The following COL2A1 variants were observed in gnomAD, a reference collection of about 807,000 sequenced individuals.
COL2A1 encodes the protein collagen type II alpha 1 chain.
Under a neutral mutation model 204.5 loss-of-function variants are expected in COL2A1, and 28 were observed. The observed-to-expected ratio is 0.14, with a 90% CI of 0.10 to 0.19. The LOEUF is 0.19. COL2A1 is among the 10% of genes least tolerant of loss of function. The pLI is 1.00. For missense variants in COL2A1, 1,388 were observed against 2,027.5 expected, an observed-to-expected ratio of 0.68 and a Z score of 6.06; for synonymous variants, 708 against 718.7, an observed-to-expected ratio of 0.99 and a Z score of 0.24.
rs75447849 is a variant in COL2A1, at chr12:47,979,027, C to T, written c.2734-269G>A. ...CTACCTGGAATCTCTCCTCCCTCCT[C>T]CCTTTGTCCTCAATCCCCCTTCCTC... On this transcript the variant is annotated intron_variant, in intron 41 of 53. Coordinates refer to ENST00000380518, the MANE Select transcript of COL2A1 (RefSeq NM_001844.5). Among the ~76,000 whole-genome samples the T allele has an allele frequency of 0.045, 6,830 of 151,972 alleles. 219 individuals are homozygous for T. The highest frequency in any genetic ancestry group is 0.068 in the Non-Finnish European group (4,622 of 67,940).
At chr12:47,977,929 C>T in intron 44 of COL2A1, 81 bp downstream of exon 44, 2 of 1,343,862 alleles carry the variant, frequency 1.5e-6, no homozygotes, top group Non-Finnish European at 2.1e-6. Flanking sequence ...CTGACTGGGA[C>T]TTGTCCTTGC....
In COL2A1 at chr12:47,980,957, T is replaced by C. The variant is rs368219434; in HGVS notation, c.2475A>G (p.Gly825=). The change falls in exon 38 of 54, where the codon GGA becomes GGG. Residue 825 remains glycine, a synonymous_variant. Transcript: ENST00000380518. The surrounding 1 kb of genome is among the most constrained non-coding windows in gnomAD (Gnocchi z 4.5). The part of the protein sequence containing the change: ...AGARGAPGER[G]ETGPPGPAGF... ...CCGCTGGTCCGGGGGGCCCAGTCTC[T>C]CCACGTTCACCCTGTGAGAGAAGGG... 70 of 1,551,668 alleles carry C rather than the reference T, an allele frequency of 4.5e-5. No homozygotes were observed. The highest frequency in any genetic ancestry group is 5.0e-5 in the Non-Finnish European group (57 of 1,147,350).
chr12:47,981,245 C>T (rs1322437548), intron 37 of COL2A1, 98 bp downstream of exon 37: 8 of 1,344,346 alleles, frequency 6.0e-6, no homozygotes, highest in Non-Finnish European at 7.3e-6. Flanking sequence ...TGGCAGCACA[C>T]AGGGCCACCA....
At position 47,973,946 on chromosome 12, in the gene COL2A1, C is replaced by A. The variant is rs563839960; in HGVS notation, c.4317+143G>T. 44 of 1,179,008 alleles carry A rather than the reference C, an allele frequency of 3.7e-5. No homozygotes were observed. In the South Asian group the frequency reaches 5.1e-4, roughly 14 times the overall value. The allele number at this position is 1,179,008 out of a possible 1,614,324, so 73.0% of individuals were successfully genotyped here. ...TGCCTCTCTCTCACCTGTCACTCAG[C>A]CTATCTTCTCTACATGACCCTCAAA... On this transcript the variant is annotated intron_variant, in intron 53 of 53. Coordinates refer to ENST00000380518, the MANE Select transcript of COL2A1 (RefSeq NM_001844.5).
chr12:47,977,388 C>G lies in COL2A1; in HGVS notation c.3205G>C (p.Ala1069Pro), dbSNP rs200112269. The G allele has an allele frequency of 1.2e-6, 2 of 1,613,412 alleles. No homozygotes were observed. Among genetic ancestry groups the G allele is most frequent in the African/African-American group, 2.7e-5 (2 of 74,914 alleles). Reference sequence around the variant, plus strand: ...CCAGGGGAGCCAGGGGGCCCAGGGGCTCCAGGAGCTCCCACAGCACCAGTC... The same window carrying G: ...CCAGGGGAGCCAGGGGGCCCAGGGGGTCCAGGAGCTCCCACAGCACCAGTC... ...GETGAVGAPG[A>P]PGPPGSPGPA... The change falls in exon 46 of 54, where the codon GCC becomes CCC. Residue 1069 changes from alanine to proline, a missense_variant. Around this residue, in one of 3 missense-constraint regions of COL2A1, gnomAD observed 884 missense variants for 1,415.8 expected, o/e 0.62. Coordinates refer to ENST00000380518, the MANE Select transcript of COL2A1 (RefSeq NM_001844.5).
chr12:47,986,553 G>T (rs569258249), intron 22 of COL2A1, 110 bp from the exon 23 acceptor site: 31 of 761,438 alleles, frequency 4.1e-5, no homozygotes, highest in East Asian at 1.3e-4. Context: ...AGGGCTGGGG[G>T]GGGGCTTGAG....
At position 47,980,792 on chromosome 12, in the gene COL2A1, G is replaced by C. The variant is rs567072304; in HGVS notation, c.2517+123C>G. ...TGGACATGATGGTTCTATTAGTATG[G>C]AGGCGGGAAAGGAGAGGAGAGGAGC... is the stretch of plus-strand genomic sequence containing the variant. On this transcript the variant is annotated intron_variant, in intron 38 of 53. Coordinates refer to ENST00000380518, the MANE Select transcript of COL2A1 (RefSeq NM_001844.5). This position sits in a 1 kb window ranked among gnomAD's most constrained non-coding sequence, Gnocchi z 4.5. 2.1e-6 allele frequency: 3 copies of C among 1,398,260 alleles called. No homozygotes were observed. Among genetic ancestry groups the C allele is most frequent in the African/African-American group, 1.4e-5 (1 of 70,006 alleles). 86.6% of individuals were successfully genotyped at this position (1,398,260 alleles called of 1,614,324 possible).
intron 26 of COL2A1, 30 bp from the exon 27 acceptor site, chr12:47,985,123 T>A: frequency 6.4e-7 from 1 of 1,569,396 alleles, no homozygotes; most frequent in Non-Finnish European, 8.8e-7. Flanking sequence ...TCTCAGAACA[T>A]AGACACTCTG....
At chr12:47,977,062 T>C in intron 47 of COL2A1, 40 bp downstream of exon 47, 1 of 1,588,154 alleles carries the variant, frequency 6.3e-7, no homozygotes, top group Non-Finnish European at 8.6e-7. Flanking sequence ...TCCCAGCCTA[T>C]CCCTGGTGGG....
intron 1 of COL2A1, 139 bp downstream of exon 1, chr12:48,004,098 T>C: frequency 5.8e-6 from 4 of 689,298 alleles, no homozygotes; most frequent in Non-Finnish European, 1.1e-5. Context: ...GCGTGTCCTG[T>C]GCCTAAGTCG....
rs1475935660 is a variant in COL2A1 at position 47,974,139 on chromosome 12, C to T, written c.4267G>A (p.Ala1423Thr). 1 of 1,614,192 alleles carries T rather than the reference C, an allele frequency of 6.2e-7. No individual in the cohort carries two copies. The highest frequency in any genetic ancestry group is 2.2e-5 in the East Asian group (1 of 44,886). Residue 1423 changes from alanine to threonine, a missense_variant, in exon 53 of 54, where the codon GCA (alanine) becomes ACA (threonine). Coordinates refer to ENST00000380518, the MANE Select transcript of COL2A1 (RefSeq NM_001844.5). ...IQGSNDVEIR[A>T]EGNSRFTYTA... ...TACGTGAACCTGCTATTGCCCTCTG[C>T]CCGGATCTCCACGTCATTGGAGCCC...
chr12:48,005,784 C>A (rs910410329), upstream of COL2A1: 1 of 152,216 alleles, frequency 6.6e-6, no homozygotes, highest in Admixed American at 6.5e-5. Flanking sequence ...GAACTTCTGC[C>A]CTCCTGGGCA....
At position 47,980,726 on chromosome 12, in the gene COL2A1, G is replaced by A; in HGVS notation, c.2518-65C>T. On this transcript the variant is annotated intron_variant, in intron 38 of 53. Coordinates refer to ENST00000380518, the MANE Select transcript of COL2A1 (RefSeq NM_001844.5). This position sits in a 1 kb window ranked among gnomAD's most constrained non-coding sequence, Gnocchi z 4.5. ...CTAAAACCCTGGAGCTCTTCCAGAA[G>A]AGCAGGAGACTCTGTGAGTATCTGC... The A allele has an allele frequency of 4.6e-6, 7 of 1,512,192 alleles. No individual in the cohort carries two copies. In the South Asian group the frequency reaches 5.9e-5, roughly 13 times the overall value. 93.7% of individuals were successfully genotyped at this position (1,512,192 alleles called of 1,614,324 possible).
intron 51 of COL2A1, 151 bp downstream of exon 51, chr12:47,975,166 C>T: frequency 9.2e-7 from 1 of 1,089,656 alleles, no homozygotes; most frequent in Non-Finnish European, 1.3e-6. Context: ...AGGGCTGCAG[C>T]TTCTCTGCTG....
At chr12:47,973,668 A>G in intron 53 of COL2A1, 115 bp from the exon 54 acceptor site, 3 of 1,267,260 alleles carry the variant, frequency 2.4e-6, no homozygotes. Context: ...ACAAGGTTGA[A>G]CCACACTGAG....
In COL2A1 at chr12:48,004,408, G is replaced by T. The variant is rs781131729; in HGVS notation, c.-87C>A. ...CGGCGCGGGTCCGGGTCTCTACCGC[G>T]CCCTCATGCAGGAGGCCCTTGGAGC... is the stretch of plus-strand genomic sequence containing the variant. On this transcript the variant is annotated 5_prime_UTR_variant, in exon 1 of 54. Transcript: ENST00000380518. 1.2e-5 allele frequency: 9 copies of T among 757,838 alleles called. No homozygotes were observed. The highest frequency in any genetic ancestry group is 1.0e-4 in the South Asian group (6 of 60,040). The allele number at this position is 757,838 out of a possible 1,614,324, so 46.9% of individuals were successfully genotyped here.
chr12:47,994,960 C>T (rs536386341), intron 11 of COL2A1, among the ~76,000 whole-genome samples: 2 of 152,200 alleles, frequency 1.3e-5, no homozygotes, highest in Admixed American at 6.5e-5. Flanking sequence ...TTCTCTACAT[C>T]TTTCTGCCTT....
In COL2A1 at chr12:47,987,600, G is replaced by C. The variant is rs1298493779; in HGVS notation, c.1221+11C>G. The C allele has an allele frequency of 2.5e-6, 4 of 1,607,134 alleles. No homozygotes were observed. Among genetic ancestry groups the C allele is most frequent in the Admixed American group, 1.7e-5 (1 of 59,622 alleles). ...CCAGACCCCCCCAGGCCAAAGAGAA[G>C]CTGCACTTACGGAGGCACCAGCAGG... On this transcript the variant is annotated intron_variant, in intron 19 of 53. Coordinates refer to ENST00000380518, the MANE Select transcript of COL2A1 (RefSeq NM_001844.5). The surrounding 1 kb of genome is among the most constrained non-coding windows in gnomAD (Gnocchi z 4.1).
chr12:47,980,854 G>T lies in COL2A1; in HGVS notation c.2517+61C>A. The T allele has an allele frequency of 6.5e-7, 1 of 1,537,412 alleles. No individual in the cohort carries two copies. Among genetic ancestry groups the T allele is most frequent in the Admixed American group, 2.0e-5 (1 of 51,010 alleles). On this transcript the variant is annotated intron_variant, in intron 38 of 53. Transcript: ENST00000380518. This position sits in a 1 kb window ranked among gnomAD's most constrained non-coding sequence, Gnocchi z 4.5. ...TCCCTGACAAGCTCCGATGCCCGAG[G>T]GTGCTGGATGTGGAACTGGCCTGAG...
Sources: gnomAD v4.1 joint callset for allele counts (sites outside exome capture counted in the v4.1 genomes callset) on GRCh38, gnomAD v4.1.1 for gene constraint, gnomAD v4.1.1 regional missense constraint, Gnocchi (gnomAD v3.1) non-coding constraint, MANE v1.5 for transcripts, NCBI Gene and HGNC (gene_info 2026-07-23, HGNC 2026-07-21) for gene names.